Variants in PRDM16 observed in about 807,000 individuals in gnomAD.
PRDM16 encodes the protein PR/SET domain 16.
Under a neutral mutation model 110.6 loss-of-function variants are expected in PRDM16, and 23 were observed. The ratio of observed to expected loss-of-function variants is 0.21; its 90% confidence interval spans 0.15 to 0.29. The LOEUF is 0.29. Ranked by LOEUF, PRDM16 falls within the 10% of genes least tolerant of loss-of-function variation. The probability of loss-of-function intolerance (pLI) is 1.00; values close to 1 mark genes in which losing one functional copy is unlikely to be tolerated. For missense variants in PRDM16, 1,615 were observed against 1,794.3 expected (o/e 0.90, Z 1.81); for synonymous variants, 799 against 781.8 (o/e 1.02, Z -0.37).
intron 3 of PRDM16, among the ~76,000 whole-genome samples, chr1:3,376,618 T>C (rs562959763): frequency 2.4e-4 from 36 of 152,248 alleles, no homozygotes; most frequent in African/African-American, 8.2e-4. Context: ...TTGCTCTCTG[T>C]CTCTCTCTGC....
chr1:3,291,629 T>C (rs753153899), intron 3 of PRDM16, among the ~76,000 whole-genome samples: 1 of 152,138 alleles, frequency 6.6e-6, no homozygotes, highest in Non-Finnish European at 1.5e-5. Flanking sequence ...TATTAAGTAA[T>C]CACATCAATG....
Position 3,246,630 on chromosome 1 carries a change from G to A in PRDM16, c.438+2493G>A, listed in dbSNP as rs1015578691. ...AGGCACAGCTCCACCAGAGGGGGAG[G>A]CTGCCACACAGCACTGCCTGGGCCA... On this transcript the variant is annotated intron_variant, in intron 3 of 16. Transcript: ENST00000270722. This position sits in a 1 kb window ranked among gnomAD's most constrained non-coding sequence, Gnocchi z 5.2. 1.3e-5 allele frequency among the ~76,000 whole-genome samples: 2 copies of A among 152,240 alleles called. No homozygotes were observed. The highest frequency in any genetic ancestry group is 2.4e-5 in the African/African-American group (1 of 41,470).
At chr1:3,183,176 T>C (rs1205274104) in intron 1 of PRDM16, among the ~76,000 whole-genome samples, 1 of 152,180 alleles carries the variant, frequency 6.6e-6, no homozygotes, top group East Asian at 1.9e-4. Context: ...CACAGAGGCC[T>C]GGGTGGTAGG....
At position 3,425,742 on chromosome 1, in the gene PRDM16, A is replaced by G. The variant is rs1638584625; in HGVS notation, c.3101A>G (p.Asn1034Ser). 6.2e-7 allele frequency: 1 copy of G among 1,613,422 alleles called. No individual in the cohort carries two copies. Among genetic ancestry groups the G allele is most frequent in the Admixed American group, 1.7e-5 (1 of 59,984 alleles). Residue 1034 changes from asparagine (N) to serine (S), a missense_variant, in exon 13 of 17, where the codon AAC becomes AGC. Around this residue, in one of 5 missense-constraint regions of PRDM16, gnomAD observed 327 missense variants for 359.3 expected, o/e 0.91. Transcript: ENST00000270722. The surrounding 1 kb of genome is among the most constrained non-coding windows in gnomAD (Gnocchi z 6.9). The stretch of plus-strand genomic sequence containing the variant: ...CACCTCAAGAAGCACGAGCACGAGA[A>G]CGCACCAGGTGGGCCACGCGGGGTG... Reference protein sequence around the residue: ...DRHLKKHEHENAPVSQHPGVL... With the variant: ...DRHLKKHEHESAPVSQHPGVL...
chr1:3,385,276 T>C lies in PRDM16; in HGVS notation c.563T>C (p.Ile188Thr). ...GACCAGAACCTCACCATGTGTCAGATCAGTGAGCAGGTAGGTCCGGGCTCA... is the reference window on the plus strand; with the variant it reads ...GACCAGAACCTCACCATGTGTCAGACCAGTGAGCAGGTAGGTCCGGGCTCA... ...CDDQNLTMCQ[I>T]SEQIYYKVIK... is the part of the protein sequence containing the mutation. The change falls in exon 4 of 17, where the codon ATC becomes ACC. Residue 188 changes from isoleucine (I) to threonine (T), a missense_variant. Transcript: ENST00000270722. 1.2e-6 allele frequency: 2 copies of C among 1,613,628 alleles called. No homozygotes were observed. The highest frequency in any genetic ancestry group is 1.7e-6 in the Non-Finnish European group (2 of 1,179,986).
Position 3,069,328 on chromosome 1 carries a change from G to C in PRDM16, c.37+32G>C. On this transcript the variant is annotated intron_variant, in intron 1 of 16. Transcript: ENST00000270722. This position sits in a 1 kb window ranked among gnomAD's most constrained non-coding sequence, Gnocchi z 6.1. ...CTCCCGCGCTCGGCCGCGCCGCGCC[G>C]CCGGGGCCCGGGCCGCCGGGCCGGG... 1 of 1,172,004 alleles carries C rather than the reference G, an allele frequency of 8.5e-7. No individual in the cohort carries two copies. Among genetic ancestry groups the C allele is most frequent in the Non-Finnish European group, 1.1e-6 (1 of 926,698 alleles). 72.6% of individuals were successfully genotyped at this position (1,172,004 alleles called of 1,614,324 possible). A position where few individuals can be genotyped will look rare whatever the true frequency, so the allele number is the denominator to read the frequency against.
At chr1:3,369,039 C>T (rs1569587821) in intron 3 of PRDM16, among the ~76,000 whole-genome samples, 1 of 152,170 alleles carries the variant, frequency 6.6e-6, no homozygotes, top group East Asian at 1.9e-4. Context: ...GATTCTATTT[C>T]CTGGGCTTAA....
At chr1:3,222,103 G>A (rs571203181) in intron 2 of PRDM16, among the ~76,000 whole-genome samples, 4 of 152,314 alleles carry the variant, frequency 2.6e-5, no homozygotes, top group African/African-American at 9.6e-5. Context: ...GGAAGGAGGG[G>A]CTGTTGCAGG....
At chr1:3,404,472 C>A (rs913747166) in intron 6 of PRDM16, among the ~76,000 whole-genome samples, 1 of 152,224 alleles carries the variant, frequency 6.6e-6, no homozygotes, top group Non-Finnish European at 1.5e-5. Context: ...GGCACTGCCT[C>A]CAGCCGCCCT....
chr1:3,135,078 G>C (rs1046410143), intron 1 of PRDM16, among the ~76,000 whole-genome samples: 24 of 152,346 alleles, frequency 1.6e-4, no homozygotes, highest in African/African-American at 5.5e-4. Context: ...AGGGGCTTCT[G>C]GAAGGAAGGG....
intron 3 of PRDM16, chr1:3,309,879 T>C (rs1282450682): frequency 6.6e-6 from 1 of 152,048 alleles, no homozygotes; most frequent in Non-Finnish European, 1.5e-5. Flanking sequence ...AGGGAGTCCT[T>C]GAGGGAATCA....
At chr1:3,338,352 C>T (rs1642203854) in intron 3 of PRDM16, among the ~76,000 whole-genome samples, 1 of 152,230 alleles carries the variant, frequency 6.6e-6, no homozygotes, top group Non-Finnish European at 1.5e-5. Flanking sequence ...AATTCGAGGC[C>T]CCAGGACATT....
At position 3,290,491 on chromosome 1, in the gene PRDM16, C is replaced by T. The variant is rs1640948362; in HGVS notation, c.438+46354C>T. Among the ~76,000 whole-genome samples the T allele has an allele frequency of 6.6e-6, 1 of 152,220 alleles. No homozygotes were observed. The highest frequency in any genetic ancestry group is 6.5e-5 in the Admixed American group (1 of 15,288). On this transcript the variant is annotated intron_variant, in intron 3 of 16. Transcript: ENST00000270722. The surrounding 1 kb of genome is among the most constrained non-coding windows in gnomAD (Gnocchi z 4.8). ...TTGAGGCCCCTGTGTCCTAGCATTTCTGAGCTCAAAGGAACCTGTGTCTGG... is the reference window on the plus strand; with the variant it reads ...TTGAGGCCCCTGTGTCCTAGCATTTTTGAGCTCAAAGGAACCTGTGTCTGG...
At chr1:3,301,745 G>A (rs1641212966) in intron 3 of PRDM16, among the ~76,000 whole-genome samples, 1 of 152,196 alleles carries the variant, frequency 6.6e-6, no homozygotes, top group Admixed American at 6.5e-5. Context: ...GTCCCAAGCT[G>A]GCCCAGACAT....
chr1:3,384,825 G>A (rs546520473), intron 3 of PRDM16, among the ~76,000 whole-genome samples: 5 of 152,326 alleles, frequency 3.3e-5, no homozygotes, highest in South Asian at 4.1e-4. Flanking sequence ...CTTCTCACAC[G>A]TGGGTCAGCT....
intron 2 of PRDM16, among the ~76,000 whole-genome samples, chr1:3,228,550 A>C (rs2100880133): frequency 6.6e-6 from 1 of 152,336 alleles, no homozygotes; most frequent in South Asian, 2.1e-4. Flanking sequence ...GAGGAGTCCA[A>C]GATGGGCATA....
chr1:3,212,875 G>A (rs891900422), intron 2 of PRDM16, among the ~76,000 whole-genome samples: 1 of 152,190 alleles, frequency 6.6e-6, no homozygotes, highest in Non-Finnish European at 1.5e-5. Flanking sequence ...CCTGGCGAGG[G>A]GCCCTCTTCC....
intron 3 of PRDM16, among the ~76,000 whole-genome samples, chr1:3,377,517 C>A (rs771992970): frequency 6.6e-6 from 1 of 152,196 alleles, no homozygotes; most frequent in Non-Finnish European, 1.5e-5. Context: ...CACTTGGTAA[C>A]TCAGCATTTC....
intron 1 of PRDM16, among the ~76,000 whole-genome samples, chr1:3,181,322 A>AGTCTT (rs1557508702): frequency 1.9e-3 from 85 of 45,324 alleles, no homozygotes; most frequent in Admixed American, 4.3e-3. Context: ...TTACACACGC[A>AGTCTT]ATCTTACACA....
Sources: allele counts gnomAD v4.1 joint callset (sites outside exome capture counted in the v4.1 genomes callset), GRCh38; gene constraint gnomAD v4.1.1; regional missense constraint gnomAD v4.1.1; non-coding constraint Gnocchi (gnomAD v3.1); transcripts MANE v1.5; gene names NCBI Gene and HGNC (gene_info 2026-07-23, HGNC 2026-07-21).